The following ZBTB8A variants were observed in gnomAD, a reference collection of about 807,000 sequenced individuals.
ZBTB8A encodes the protein zinc finger and BTB domain containing 8A, also known as zinc finger and BTB domain-containing protein 8A.
ZBTB8A carries 19 observed loss-of-function variants against 37.8 expected under a neutral mutation model. The ratio of observed to expected loss-of-function variants is 0.50; its 90% confidence interval spans 0.35 to 0.74. The LOEUF (loss-of-function observed/expected upper bound fraction) is 0.74, where lower values mean the gene tolerates loss of function less well. Ranked by LOEUF, ZBTB8A falls within the 30% of genes least tolerant of loss-of-function variation. The probability of loss-of-function intolerance (pLI) is 0.01; values close to 1 mark genes in which losing one functional copy is unlikely to be tolerated. For missense variants in ZBTB8A, 394 were observed against 537.8 expected, an observed-to-expected ratio of 0.73 and a Z score of 2.65; for synonymous variants, 181 against 185.2, an observed-to-expected ratio of 0.98 and a Z score of 0.19.
intron 1 of ZBTB8A, among the ~76,000 whole-genome samples, chr1:32,550,829 C>T (rs1644148100): frequency 6.6e-6 from 1 of 151,490 alleles, no homozygotes; most frequent in Non-Finnish European, 1.5e-5. Context: ...TGGTGGCAGG[C>T]TCCTGCAGTC....
rs1644501111 is a variant in ZBTB8A, at chr1:32,592,939, TCTC to T, written c.12_14del (p.Ser5del). ...TGTCTTTTCCTCTTCAGAATGGAGA[TCTC>T]CTCTCATCAGTCTCACCTCCTGCAG... On this transcript the variant is annotated inframe_deletion, in exon 3 of 5. Transcript: ENST00000373510. The T allele has an allele frequency of 1.9e-6, 3 of 1,599,400 alleles. No individual in the cohort carries two copies. Among genetic ancestry groups the T allele is most frequent in the Non-Finnish European group, 2.6e-6 (3 of 1,173,030 alleles).
chr1:32,580,726 C>T (rs1324901712), intron 2 of ZBTB8A, among the ~76,000 whole-genome samples: 1 of 151,986 alleles, frequency 6.6e-6, no homozygotes, highest in Non-Finnish European at 1.5e-5. Context: ...TTGTCTTAGT[C>T]CGTTTCTGTT....
chr1:32,560,984 G>T (rs1376251862), intron 2 of ZBTB8A, among the ~76,000 whole-genome samples: 2 of 151,850 alleles, frequency 1.3e-5, no homozygotes, highest in East Asian at 1.9e-4. Flanking sequence ...CTCCTGCCTG[G>T]TCTCACTGCC....
In ZBTB8A at chr1:32,591,815, A is replaced by G. The variant is rs550097000; in HGVS notation, c.-1-1116A>G. Among the ~76,000 whole-genome samples the G allele has an allele frequency of 2.6e-5, 4 of 152,106 alleles. No homozygotes were observed. The East Asian group carries it at 7.7e-4, about 29-fold the overall frequency. On this transcript the variant is annotated intron_variant, in intron 2 of 4. Transcript: ENST00000373510. ...ACAAGTAATTTTCTAAAATCTAATA[A>G]CGGTCTAGTTGTTTTTTTGTTTTTT...
chr1:32,555,660 C>G (rs1644195693), intron 2 of ZBTB8A, among the ~76,000 whole-genome samples: 1 of 152,102 alleles, frequency 6.6e-6, no homozygotes, highest in Non-Finnish European at 1.5e-5. Context: ...TCCTCTGAGC[C>G]CCTTCATTTC....
At chr1:32,561,340 T>A (rs1335534512) in intron 2 of ZBTB8A, among the ~76,000 whole-genome samples, 1 of 152,144 alleles carries the variant, frequency 6.6e-6, no homozygotes, top group African/African-American at 2.4e-5. Flanking sequence ...CGAAGCAACG[T>A]ACGTTGATTC....
intron 1 of ZBTB8A, among the ~76,000 whole-genome samples, chr1:32,542,017 G>C (rs961983894): frequency 6.6e-6 from 1 of 152,098 alleles, no homozygotes; most frequent in Non-Finnish European, 1.5e-5. Flanking sequence ...AACTTACAAT[G>C]TTTTCAACTT....
At chr1:32,575,232 T>A (rs1264869231) in intron 2 of ZBTB8A, among the ~76,000 whole-genome samples, 3 of 145,984 alleles carry the variant, frequency 2.1e-5, no homozygotes, top group Non-Finnish European at 4.5e-5. Flanking sequence ...TTTCCTTTTT[T>A]TTTTTTTTTT....
intron 1 of ZBTB8A, among the ~76,000 whole-genome samples, chr1:32,552,136 G>A (rs1379050872): frequency 2.6e-5 from 4 of 152,056 alleles, no homozygotes; most frequent in South Asian, 4.1e-4. Flanking sequence ...GGCCGAAGTG[G>A]GGGGATCGCT....
chr1:32,549,047 C>T (rs1206506845), intron 1 of ZBTB8A, among the ~76,000 whole-genome samples: 1 of 151,776 alleles, frequency 6.6e-6, no homozygotes, highest in African/African-American at 2.4e-5. Flanking sequence ...AAAAATTAGC[C>T]GGGTATGGTG....
At chr1:32,589,707 G>T (rs1644474252) in intron 2 of ZBTB8A, among the ~76,000 whole-genome samples, 1 of 151,578 alleles carries the variant, frequency 6.6e-6, no homozygotes, top group South Asian at 2.1e-4. Context: ...GCACCGCCAT[G>T]CCTGGCTGAT....
intron 2 of ZBTB8A, 77 bp from the exon 3 acceptor site, chr1:32,592,854 G>T (rs1056627439): frequency 2.2e-5 from 28 of 1,253,240 alleles, no homozygotes; most frequent in African/African-American, 3.0e-5. Context: ...GGGCCACAGA[G>T]CAAGATCCTG....
intron 4 of ZBTB8A, among the ~76,000 whole-genome samples, chr1:32,596,197 G>A (rs1644530001): frequency 6.6e-6 from 1 of 151,632 alleles, no homozygotes. Context: ...GTGAAACCCC[G>A]TCTCTACTAA....
At chr1:32,591,936 C>T (rs1451585850) in intron 2 of ZBTB8A, among the ~76,000 whole-genome samples, 1 of 152,058 alleles carries the variant, frequency 6.6e-6, no homozygotes, top group Non-Finnish European at 1.5e-5. Flanking sequence ...CTCTACCTCC[C>T]AGGATCAAGC....
chr1:32,554,509 T>G (rs989895339), intron 2 of ZBTB8A, among the ~76,000 whole-genome samples: 1 of 149,188 alleles, frequency 6.7e-6, no homozygotes, highest in Non-Finnish European at 1.5e-5. Context: ...TATTTATTTA[T>G]TTATTTTTGA....
intron 1 of ZBTB8A, among the ~76,000 whole-genome samples, chr1:32,548,302 A>AT (rs891465931): frequency 1.1e-4 from 16 of 148,334 alleles, no homozygotes; most frequent in Middle Eastern, 3.5e-3. Context: ...GTCAAAAAAC[A>AT]TTTTTTTTTT....
chr1:32,554,219 G>C (rs1178022571), intron 2 of ZBTB8A, among the ~76,000 whole-genome samples: 1 of 146,912 alleles, frequency 6.8e-6, no homozygotes. Context: ...AAAAAAAAAA[G>C]GGTAAAATTT....
chr1:32,600,351 C>G lies in ZBTB8A; in HGVS notation c.1258C>G (p.Leu420Val). The G allele has an allele frequency of 1.2e-6, 2 of 1,614,066 alleles. No homozygotes were observed. The highest frequency in any genetic ancestry group is 1.6e-4 in the Middle Eastern group (1 of 6,062). The stretch of plus-strand genomic sequence containing the variant: ...GATTGTAGAAGATGGGTCTGCTGAT[C>G]TGGTCATCCAACAGGTTGATGATAG... ...VEIVEDGSAD[L>V]VIQQVDDSEE... Residue 420 changes from leucine (L) to valine (V), a missense_variant, in exon 5 of 5, where the codon CTG (leucine) becomes GTG (valine). Coordinates refer to ENST00000373510, the MANE Select transcript of ZBTB8A (RefSeq NM_001040441.3).
chr1:32,539,714 G>GGCGGCGGCGGCGCCGGC (rs1644033150), intron 1 of ZBTB8A, 142 bp downstream of exon 1: 1 of 836 alleles, frequency 1.2e-3, no homozygotes, highest in Non-Finnish European at 2.7e-3. Context: ...TCCCCCAGAC[G>GGCGGCGGCGGCGCCGGC]TCCCCGGGCC....
Sources: allele counts gnomAD v4.1 joint callset (sites outside exome capture counted in the v4.1 genomes callset), GRCh38; gene constraint gnomAD v4.1.1; transcripts MANE v1.5; gene names NCBI Gene and HGNC (gene_info 2026-07-23, HGNC 2026-07-21).